GDPD1: variants seen among roughly 807,000 people sequenced by gnomAD.
The protein encoded by GDPD1 is lysophospholipase D GDPD1.
Under a neutral mutation model 45.1 loss-of-function variants are expected in GDPD1, and 28 were observed. That is an observed-to-expected ratio of 0.62 (90% CI 0.46 to 0.85). The LOEUF (loss-of-function observed/expected upper bound fraction) is 0.85. GDPD1 is among the 40% of genes least tolerant of loss of function. The pLI, the probability that GDPD1 is intolerant of heterozygous loss-of-function variation, is 0.00. For missense variants in GDPD1, 256 were observed against 364.8 expected (o/e 0.70, Z 2.43); for synonymous variants, 139 against 131.4 (o/e 1.06, Z -0.40).
Position 59,240,356 on chromosome 17 carries a change from A to G in GDPD1, c.186-5058A>G. Among the ~76,000 whole-genome samples the G allele has an allele frequency of 1.3e-5, 2 of 152,228 alleles. 1 individual carries two copies. Among genetic ancestry groups the G allele is most frequent in the East Asian group, 3.9e-4 (2 of 5,180 alleles). Reference sequence around the variant, plus strand: ...AAACTTACATAATAAGGATATAAAGAAAGAAAATATATTTGTACAGCTGTA... The same window carrying G: ...AAACTTACATAATAAGGATATAAAGGAAGAAAATATATTTGTACAGCTGTA... On this transcript the variant is annotated intron_variant, in intron 2 of 9. Transcript: ENST00000284116.
intron 4 of GDPD1, among the ~76,000 whole-genome samples, chr17:59,255,417 A>G (rs1212499197): frequency 6.6e-6 from 1 of 150,894 alleles, no homozygotes; most frequent in Non-Finnish European, 1.5e-5. Flanking sequence ...CCTGGGCAAA[A>G]TACAGTGAGA....
At chr17:59,259,501 A>G (rs2147897836) in intron 6 of GDPD1, among the ~76,000 whole-genome samples, 1 of 140,696 alleles carries the variant, frequency 7.1e-6, no homozygotes, top group Non-Finnish European at 1.5e-5. Context: ...CGGGAGGCAG[A>G]GCTTGCAGTG....
chr17:59,220,881 T>C, intron 1 of GDPD1, 130 bp downstream of exon 1: 2 of 1,035,296 alleles, frequency 1.9e-6, no homozygotes, highest in Non-Finnish European at 2.8e-6. Context: ...AATTGAGGGC[T>C]CTTCCGGAGG....
intron 2 of GDPD1, among the ~76,000 whole-genome samples, chr17:59,242,831 AC>A: frequency 6.6e-6 from 1 of 152,204 alleles, no homozygotes; most frequent in African/African-American, 2.4e-5. Context: ...CAGGCCCCTC[AC>A]CCCTGCACAA....
intron 6 of GDPD1, among the ~76,000 whole-genome samples, chr17:59,260,428 G>A (rs1422107291): frequency 6.6e-6 from 1 of 151,874 alleles, no homozygotes; most frequent in African/African-American, 2.4e-5. Flanking sequence ...TGTAATCCCA[G>A]CAACTCAGGA....
intron 4 of GDPD1, among the ~76,000 whole-genome samples, chr17:59,255,788 C>T (rs1394536809): frequency 1.9e-4 from 9 of 46,812 alleles, no homozygotes; most frequent in South Asian, 8.0e-4. Context: ...TATATATACG[C>T]GTATATATGT....
At chr17:59,225,748 G>A (rs1016432265) in intron 1 of GDPD1, among the ~76,000 whole-genome samples, 3 of 151,932 alleles carry the variant, frequency 2.0e-5, no homozygotes, top group African/African-American at 7.3e-5. Context: ...TTGAGACGAA[G>A]TCTTGCTTAG....
intron 1 of GDPD1, among the ~76,000 whole-genome samples, chr17:59,221,754 A>C (rs1248014373): frequency 1.3e-5 from 2 of 152,190 alleles, no homozygotes; most frequent in African/African-American, 4.8e-5. Context: ...TTTAAGGCTG[A>C]ATCTTAAACC....
At chr17:59,263,070 G>C (rs540537519) in intron 6 of GDPD1, among the ~76,000 whole-genome samples, 1 of 152,276 alleles carries the variant, frequency 6.6e-6, no homozygotes, top group South Asian at 2.1e-4. Context: ...TGAACAGTAA[G>C]GTACCAATGT....
chr17:59,234,654 G>T, intron 2 of GDPD1, 120 bp downstream of exon 2: 1 of 666,998 alleles, frequency 1.5e-6, no homozygotes, highest in Non-Finnish European at 2.6e-6. Context: ...TGTGATAGTT[G>T]TTTCTATTTT....
intron 3 of GDPD1, among the ~76,000 whole-genome samples, chr17:59,247,091 G>A (rs376665527): frequency 6.6e-6 from 1 of 152,020 alleles, no homozygotes; most frequent in Non-Finnish European, 1.5e-5. Flanking sequence ...AAAGAAAATA[G>A]ACTTTATTTT....
chr17:59,271,121 T>C, intron 8 of GDPD1, 126 bp downstream of exon 8: 1 of 569,614 alleles, frequency 1.8e-6, no homozygotes, highest in South Asian at 2.4e-5. Flanking sequence ...GCACCTGCTA[T>C]GTAAAATGTG....
At chr17:59,236,853 A>G (rs779319369) in intron 2 of GDPD1, among the ~76,000 whole-genome samples, 7 of 151,898 alleles carry the variant, frequency 4.6e-5, no homozygotes, top group Non-Finnish European at 1.0e-4. Flanking sequence ...ATTTATTTGT[A>G]AGGCTGCTTA....
At chr17:59,238,312 A>C (rs2047149897) in intron 2 of GDPD1, among the ~76,000 whole-genome samples, 1 of 151,942 alleles carries the variant, frequency 6.6e-6, no homozygotes, top group African/African-American at 2.4e-5. Flanking sequence ...GACAGAAGTA[A>C]TTATGTCTCA....
At position 59,274,085 on chromosome 17, in the gene GDPD1, T is replaced by G. The variant is rs188447740; in HGVS notation, c.*312T>G. 10 of 763,464 alleles carry G rather than the reference T, an allele frequency of 1.3e-5. No homozygotes were observed. The Admixed American group carries it at 3.8e-4, about 29-fold the overall frequency. 47.3% of individuals were successfully genotyped at this position (763,464 alleles called of 1,614,324 possible). ...TCTTGATTAATAACATACACAGAAATGTACATACTACATCATCTACAGAAA... is the reference window on the plus strand; with the variant it reads ...TCTTGATTAATAACATACACAGAAAGGTACATACTACATCATCTACAGAAA... On this transcript the variant is annotated 3_prime_UTR_variant, in exon 10 of 10. Coordinates refer to ENST00000284116, the MANE Select transcript of GDPD1 (RefSeq NM_182569.4).
intron 7 of GDPD1, among the ~76,000 whole-genome samples, chr17:59,267,586 C>A (rs1356053271): frequency 1.3e-5 from 2 of 151,924 alleles, no homozygotes; most frequent in Admixed American, 6.6e-5. Flanking sequence ...GAAGAAAAAA[C>A]CACCACCACC....
At chr17:59,257,347 A>AC in intron 5 of GDPD1, 107 bp downstream of exon 5, 1 of 643,210 alleles carries the variant, frequency 1.6e-6, no homozygotes, top group Non-Finnish European at 2.7e-6. Flanking sequence ...GAAATGTGAT[A>AC]CCCTAGGGAT....
chr17:59,234,784 AAAG>A (rs2047119374), intron 2 of GDPD1, among the ~76,000 whole-genome samples: 1 of 152,320 alleles, frequency 6.6e-6, no homozygotes, highest in African/African-American at 2.4e-5. Context: ...TACAAAGCTG[AAAG>A]AAGACATTTG....
intron 4 of GDPD1, among the ~76,000 whole-genome samples, chr17:59,253,456 A>T (rs1160124036): frequency 1.3e-5 from 2 of 152,098 alleles, no homozygotes; most frequent in Non-Finnish European, 2.9e-5. Context: ...TTCCCACCTC[A>T]GCCTTCCAAA....
Sources: gnomAD v4.1 joint callset for allele counts (sites outside exome capture counted in the v4.1 genomes callset) on GRCh38, gnomAD v4.1.1 for gene constraint, MANE v1.5 for transcripts, NCBI Gene and HGNC (gene_info 2026-07-23, HGNC 2026-07-21) for gene names.